NUP93: variants seen among roughly 807,000 people sequenced by gnomAD.
NUP93 encodes nucleoporin 93.
NUP93 carries 55 observed loss-of-function variants against 107.8 expected under a neutral mutation model. The observed-to-expected ratio is 0.51, with a 90% CI of 0.41 to 0.64. NUP93 has a LOEUF of 0.64. Among genes scored for constraint, NUP93 ranks in the 30% least tolerant of loss-of-function variants. The pLI, the probability that NUP93 is intolerant of heterozygous loss-of-function variation, is 0.00. For missense variants in NUP93, 937 were observed against 1,044.7 expected (o/e 0.90, Z 1.42); for synonymous variants, 390 against 397.5 (o/e 0.98, Z 0.22).
chr16:56,822,083 T>G (rs1278680871), intron 7 of NUP93, among the ~76,000 whole-genome samples: 1 of 147,568 alleles, frequency 6.8e-6, no homozygotes, highest in Non-Finnish European at 1.5e-5. Flanking sequence ...CTGGCCAGTT[T>G]TCTCCCATAA....
At chr16:56,823,469 T>C (rs748951104) in intron 7 of NUP93, among the ~76,000 whole-genome samples, 6 of 152,184 alleles carry the variant, frequency 3.9e-5, no homozygotes, top group Non-Finnish European at 5.9e-5. Flanking sequence ...GGAATAGTAA[T>C]TGATCTGAAA....
chr16:56,804,763 A>G (rs748927942), intron 4 of NUP93, among the ~76,000 whole-genome samples: 6 of 151,820 alleles, frequency 4.0e-5, no homozygotes, highest in Non-Finnish European at 8.8e-5. Context: ...ATAATTAGCT[A>G]GGCGTGGTGG....
chr16:56,829,335 T>C (rs1467079164), intron 9 of NUP93, among the ~76,000 whole-genome samples: 1 of 152,134 alleles, frequency 6.6e-6, no homozygotes, highest in African/African-American at 2.4e-5. Flanking sequence ...GAAGATGTCA[T>C]TGGGTTCTGG....
intron 4 of NUP93, 105 bp downstream of exon 4, chr16:56,798,643 A>T: frequency 1.1e-6 from 1 of 879,072 alleles, no homozygotes; most frequent in African/African-American, 1.7e-5. Flanking sequence ...TGATGCAGGA[A>T]GTTCGCTTGA....
intron 3 of NUP93, among the ~76,000 whole-genome samples, chr16:56,778,321 T>G (rs1962453196): frequency 6.6e-6 from 1 of 152,008 alleles, no homozygotes; most frequent in African/African-American, 2.4e-5. Flanking sequence ...TGCTAAGAAG[T>G]AAAATCTGTC....
intron 3 of NUP93, among the ~76,000 whole-genome samples, chr16:56,772,295 G>C (rs1962336647): frequency 6.6e-6 from 1 of 152,232 alleles, no homozygotes; most frequent in Admixed American, 6.5e-5. Context: ...CAGCTTGGCA[G>C]TATGCACCCA....
chr16:56,730,599 C>G (rs1291801412), intron 1 of NUP93, among the ~76,000 whole-genome samples: 1 of 152,204 alleles, frequency 6.6e-6, no homozygotes, highest in African/African-American at 2.4e-5. Flanking sequence ...CGTGCCCTGC[C>G]TGCTTGCCTA....
intron 5 of NUP93, among the ~76,000 whole-genome samples, chr16:56,816,889 G>A (rs1282643753): frequency 6.6e-6 from 1 of 152,126 alleles, no homozygotes; most frequent in Non-Finnish European, 1.5e-5. Flanking sequence ...CCAAGAGCTG[G>A]CTGTTAAGAA....
intron 4 of NUP93, among the ~76,000 whole-genome samples, chr16:56,801,402 T>G (rs1338826698): frequency 2.6e-5 from 4 of 152,196 alleles, no homozygotes; most frequent in African/African-American, 9.7e-5. Flanking sequence ...GGAAGAGAAT[T>G]TTGATATTGG....
chr16:56,794,281 G>A (rs1282162613), intron 3 of NUP93, among the ~76,000 whole-genome samples: 1 of 152,060 alleles, frequency 6.6e-6, no homozygotes, highest in African/African-American at 2.4e-5. Context: ...GGCTCAGTTT[G>A]TGCTTAGAGC....
intron 8 of NUP93, among the ~76,000 whole-genome samples, chr16:56,824,256 C>T (rs1223076333): frequency 2.6e-5 from 4 of 152,126 alleles, no homozygotes; most frequent in African/African-American, 7.2e-5. Flanking sequence ...TAGGAAAACT[C>T]GTTTCCCCTT....
At chr16:56,826,526 AAAAAAACAACTTCC>A (rs1456169986) in intron 8 of NUP93, among the ~76,000 whole-genome samples, 1 of 152,026 alleles carries the variant, frequency 6.6e-6, no homozygotes, top group Non-Finnish European at 1.5e-5. Context: ...AAAAAAAAAA[AAAAAAACAACTTCC>A]AATGATGGGG....
intron 3 of NUP93, among the ~76,000 whole-genome samples, chr16:56,777,685 C>T (rs1023609274): frequency 3.9e-5 from 6 of 152,206 alleles, no homozygotes; most frequent in Non-Finnish European, 5.9e-5. Flanking sequence ...CCCGAACTTC[C>T]GTGGCTGTAG....
At chr16:56,819,064 T>C (rs377416932) in intron 6 of NUP93, among the ~76,000 whole-genome samples, 4 of 152,086 alleles carry the variant, frequency 2.6e-5, no homozygotes, top group African/African-American at 9.7e-5. Context: ...ATTAACTGAA[T>C]TACCTGGTAG....
chr16:56,783,958 C>G (rs2144524332), intron 3 of NUP93: 1 of 872,050 alleles, frequency 1.1e-6, no homozygotes. Flanking sequence ...TAAATGAACG[C>G]TGCAAATATG....
intron 2 of NUP93, among the ~76,000 whole-genome samples, chr16:56,757,573 C>A (rs1434663931): frequency 2.6e-5 from 4 of 152,180 alleles, no homozygotes; most frequent in African/African-American, 9.7e-5. Context: ...ATTAGTGCAA[C>A]CTTTTCTTTA....
intron 3 of NUP93, among the ~76,000 whole-genome samples, chr16:56,797,754 G>A (rs1962932017): frequency 6.6e-6 from 1 of 152,152 alleles, no homozygotes; most frequent in Non-Finnish European, 1.5e-5. Context: ...TGAGGTTTAG[G>A]GAGTTTGGGC....
chr16:56,805,450 A>G, intron 4 of NUP93, 54 bp from the exon 5 acceptor site: 1 of 1,604,462 alleles, frequency 6.2e-7, no homozygotes, highest in East Asian at 2.2e-5. Context: ...GTCTTAAACC[A>G]TGTTTTTTTT....
Position 56,849,441 on chromosome 16 carries a change from G to C in NUP93, c.*4832G>C, listed in dbSNP as rs1964152018. 6.6e-6 allele frequency: 1 copy of C among 152,226 alleles called. No individual in the cohort carries two copies. The highest frequency in any genetic ancestry group is 1.5e-5 in the Non-Finnish European group (1 of 68,078). The allele number at this position is 152,226 out of a possible 1,614,324, so 9.4% of individuals were successfully genotyped here. Reference sequence around the variant, plus strand: ...AGCTTCTATTTCTTGGGGATGGGGAGGGCAAAAAAGTTTGCCCCAGACACT... The same window carrying C: ...AGCTTCTATTTCTTGGGGATGGGGACGGCAAAAAAGTTTGCCCCAGACACT... On this transcript the variant is annotated 3_prime_UTR_variant, in exon 22 of 22. Transcript: ENST00000308159.
Sources: gnomAD v4.1 joint callset for allele counts (sites outside exome capture counted in the v4.1 genomes callset) on GRCh38, gnomAD v4.1.1 for gene constraint, MANE v1.5 for transcripts, NCBI Gene and HGNC (gene_info 2026-07-23, HGNC 2026-07-21) for gene names.